KIZ: variants seen among roughly 807,000 people sequenced by gnomAD.
KIZ encodes kizuna centrosomal protein, also known as centrosomal protein kizuna.
Under a neutral mutation model 79.6 loss-of-function variants are expected in KIZ, and 68 were observed. The observed-to-expected ratio is 0.85, with a 90% CI of 0.70 to 1.05. KIZ has a LOEUF of 1.05. Among genes scored for constraint, KIZ ranks in the 50% least tolerant of loss-of-function variants. The probability of loss-of-function intolerance (pLI) is 0.00; values close to 1 mark genes in which losing one functional copy is unlikely to be tolerated. For missense variants in KIZ, 797 were observed against 800.4 expected, an observed-to-expected ratio of 1.00 and a Z score of 0.05; for synonymous variants, 280 against 281.8, an observed-to-expected ratio of 0.99 and a Z score of 0.06.
At chr20:21,211,663 C>T (rs907579015) in intron 7 of KIZ, among the ~76,000 whole-genome samples, 13 of 152,222 alleles carry the variant, frequency 8.5e-5, no homozygotes, top group African/African-American at 3.1e-4. Flanking sequence ...CTCTGAGCTT[C>T]TCTCTGTGTT....
At chr20:21,129,135 G>T (rs1398693849) in intron 1 of KIZ, among the ~76,000 whole-genome samples, 1 of 152,182 alleles carries the variant, frequency 6.6e-6, no homozygotes, top group Non-Finnish European at 1.5e-5. Flanking sequence ...ATTTTAAAAA[G>T]ACATGGAGGG....
intron 7 of KIZ, among the ~76,000 whole-genome samples, chr20:21,210,285 G>T (rs532592587): frequency 1.5e-3 from 223 of 152,214 alleles, no homozygotes; most frequent in African/African-American, 5.0e-3. Flanking sequence ...TCCAGCCTGG[G>T]TGACAGAGCG....
chr20:21,169,612 A>G (rs1368125155), intron 6 of KIZ, among the ~76,000 whole-genome samples: 1 of 152,190 alleles, frequency 6.6e-6, no homozygotes, highest in East Asian at 1.9e-4. Flanking sequence ...TCATGCTGCT[A>G]TAAAGACACA....
At chr20:21,217,667 G>C (rs997333977) in intron 9 of KIZ, among the ~76,000 whole-genome samples, 1 of 152,136 alleles carries the variant, frequency 6.6e-6, no homozygotes, top group African/African-American at 2.4e-5. Context: ...TCTGTATTGG[G>C]AAAGCAGACA....
chr20:21,213,084 C>T (rs889273341), intron 7 of KIZ, among the ~76,000 whole-genome samples: 1 of 152,200 alleles, frequency 6.6e-6, no homozygotes, highest in African/African-American at 2.4e-5. Context: ...CTTAAATCCC[C>T]CAATCAGCTA....
chr20:21,168,189 C>T (rs924171315), intron 6 of KIZ, among the ~76,000 whole-genome samples: 3 of 152,070 alleles, frequency 2.0e-5, no homozygotes, highest in South Asian at 4.2e-4. Flanking sequence ...TTTGTCCTTG[C>T]GATAATTTGC....
chr20:21,157,562 T>TAA (rs2033443515), intron 4 of KIZ, among the ~76,000 whole-genome samples: 1 of 152,234 alleles, frequency 6.6e-6, no homozygotes, highest in Non-Finnish European at 1.5e-5. Flanking sequence ...GCATTTACTA[T>TAA]AAGTACATCA....
At chr20:21,198,996 G>A (rs758204236) in intron 6 of KIZ, among the ~76,000 whole-genome samples, 2 of 152,142 alleles carry the variant, frequency 1.3e-5, no homozygotes, top group Non-Finnish European at 2.9e-5. Context: ...CTTTCTCACT[G>A]CCTTTTATAT....
chr20:21,126,102 GCAGCGGCAGCA>G lies in KIZ; in HGVS notation c.-13_-3del, dbSNP rs756708773. On this transcript the variant is annotated 5_prime_UTR_variant, in exon 1 of 13. Transcript: ENST00000619189. ...CACCCAGAGGCTGTGCTGAGCTGGC[GCAGCGGCAGCA>G]GCATGAGCCGGACCCTCGCATCGGC... 4 of 1,507,150 alleles carry G rather than the reference GCAGCGGCAGCA, an allele frequency of 2.7e-6. No individual in the cohort carries two copies. The highest frequency in any genetic ancestry group is 1.2e-5 in the South Asian group (1 of 80,712). The allele number at this position is 1,507,150 out of a possible 1,614,324, so 93.4% of individuals were successfully genotyped here.
intron 11 of KIZ, among the ~76,000 whole-genome samples, chr20:21,237,911 C>T (rs551994766): frequency 6.6e-6 from 1 of 152,338 alleles, no homozygotes; most frequent in Admixed American, 6.5e-5. Context: ...CTCACTGCAA[C>T]CTTTGCCTCC....
chr20:21,183,734 T>C (rs2034756258), intron 6 of KIZ, among the ~76,000 whole-genome samples: 2 of 152,228 alleles, frequency 1.3e-5, no homozygotes, highest in Admixed American at 6.5e-5. Flanking sequence ...GTGTATTTTC[T>C]CTTTTTATGC....
At chr20:21,173,911 T>C (rs2034327793) in intron 6 of KIZ, among the ~76,000 whole-genome samples, 1 of 152,170 alleles carries the variant, frequency 6.6e-6, no homozygotes, top group East Asian at 1.9e-4. Flanking sequence ...GCCATGGGCC[T>C]AAGAAGAACA....
At chr20:21,191,519 T>TGGGGA (rs2035105028) in intron 6 of KIZ, among the ~76,000 whole-genome samples, 1 of 152,250 alleles carries the variant, frequency 6.6e-6, no homozygotes. Context: ...GCAAAGGCTT[T>TGGGGA]GGTATTCCAA....
intron 12 of KIZ, chr20:21,246,162 C>G: frequency 3.3e-6 from 1 of 307,342 alleles, no homozygotes; most frequent in South Asian, 5.1e-5. Context: ...TGATACAACA[C>G]CCCAGGGAAC....
intron 6 of KIZ, chr20:21,166,413 A>G: frequency 6.3e-7 from 1 of 1,596,074 alleles, no homozygotes. Flanking sequence ...GAGGTTCACA[A>G]CAATTTCCCA....
At chr20:21,203,419 G>A (rs560080258) in intron 6 of KIZ, among the ~76,000 whole-genome samples, 21 of 152,218 alleles carry the variant, frequency 1.4e-4, no homozygotes, top group Admixed American at 2.6e-4. Context: ...ATTTAAAACC[G>A]GGCAGCACAT....
chr20:21,244,407 T>G, intron 12 of KIZ, 119 bp downstream of exon 12: 1 of 729,862 alleles, frequency 1.4e-6, no homozygotes, highest in Non-Finnish European at 2.4e-6. Context: ...TCACAGGGAC[T>G]GCCATTGCAG....
intron 11 of KIZ, among the ~76,000 whole-genome samples, chr20:21,237,808 C>G (rs1196636850): frequency 1.3e-5 from 2 of 152,128 alleles, no homozygotes; most frequent in African/African-American, 4.8e-5. Context: ...CCCTCCCTCC[C>G]GCAGTGGGGC....
intron 4 of KIZ, among the ~76,000 whole-genome samples, chr20:21,155,670 A>G (rs2033346232): frequency 6.6e-6 from 1 of 152,180 alleles, no homozygotes; most frequent in Admixed American, 6.5e-5. Flanking sequence ...TTTTAAAAGG[A>G]TAAGTTTTAT....
Sources: allele counts gnomAD v4.1 joint callset (sites outside exome capture counted in the v4.1 genomes callset), GRCh38; gene constraint gnomAD v4.1.1; transcripts MANE v1.5; gene names NCBI Gene and HGNC (gene_info 2026-07-23, HGNC 2026-07-21).